CENPX: variants seen among roughly 807,000 people sequenced by gnomAD.
CENPX encodes centromere protein X.
CENPX carries 13 observed loss-of-function variants against 13.2 expected under a neutral mutation model. That is an observed-to-expected ratio of 0.98 (90% CI 0.64 to 1.56). The LOEUF (loss-of-function observed/expected upper bound fraction) is 1.56, where lower values mean the gene tolerates loss of function less well. CENPX is among the 40% of genes most tolerant of loss of function. The probability of loss-of-function intolerance (pLI) is 0.00; values close to 1 mark genes in which losing one functional copy is unlikely to be tolerated. For missense variants in CENPX, 138 were observed against 107.5 expected (o/e 1.28, Z -1.26); for synonymous variants, 66 against 47.2 (o/e 1.40, Z -1.63).
chr17:82,022,697 T>C (rs1325772636), intron 1 of CENPX, 129 bp downstream of exon 1: 3 of 1,112,806 alleles, frequency 2.7e-6, no homozygotes, highest in African/African-American at 3.2e-5. Flanking sequence ...GGAGATGGAG[T>C]CTGAGAACGG....
At chr17:82,019,541 G>C (rs1444650046) in intron 3 of CENPX, 100 bp downstream of exon 3, 1 of 1,544,316 alleles carries the variant, frequency 6.5e-7, no homozygotes, top group South Asian at 1.2e-5. Context: ...CCCAAGTTTA[G>C]GCCCTTGTGG....
intron 1 of CENPX, among the ~76,000 whole-genome samples, chr17:82,021,650 GACC>G (rs1447809458): frequency 2.6e-5 from 4 of 152,348 alleles, no homozygotes; most frequent in African/African-American, 9.6e-5. Context: ...TCTCTGCAAT[GACC>G]ACAACTCCAG....
chr17:82,020,666 G>C (rs1422529587), intron 1 of CENPX, among the ~76,000 whole-genome samples: 1 of 152,144 alleles, frequency 6.6e-6, no homozygotes, highest in South Asian at 2.1e-4. Flanking sequence ...TGCCCGGGGT[G>C]GGGGGAAGGG....
In CENPX at chr17:82,019,168, GC is replaced by G. The variant is rs758913786; in HGVS notation, c.*36del. On this transcript the variant is annotated 3_prime_UTR_variant, in exon 5 of 5. Transcript: ENST00000392359. ...CAAGGCCTGCTTCTGTGGACCAGGG[GC>G]TCCTCTGGGGGTGGCCTCAGCCACG... The G allele has an allele frequency of 6.6e-7, 1 of 1,523,826 alleles. No individual in the cohort carries two copies. The highest frequency in any genetic ancestry group is 2.3e-5 in the East Asian group (1 of 43,646). 94.4% of individuals were successfully genotyped at this position (1,523,826 alleles called of 1,614,324 possible).
intron 1 of CENPX, among the ~76,000 whole-genome samples, chr17:82,021,685 C>T (rs2043285304): frequency 6.6e-6 from 1 of 152,220 alleles, no homozygotes; most frequent in Non-Finnish European, 1.5e-5. Context: ...GCCCCTGGGC[C>T]TCTAGTTGTC....
chr17:82,022,045 G>A (rs1244226437), intron 1 of CENPX, among the ~76,000 whole-genome samples: 2 of 152,198 alleles, frequency 1.3e-5, no homozygotes, highest in South Asian at 2.1e-4. Flanking sequence ...GGCCCACGAG[G>A]CCCTGCTGAC....
In CENPX at chr17:82,019,862, G is replaced by A. The variant is rs750561296; in HGVS notation, c.84C>T (p.Thr28=). The change falls in exon 2 of 5, where the codon ACC becomes ACT. Residue 28 remains threonine (T), a synonymous_variant. Transcript: ENST00000392359. ...CGCCCGCACCCCCACCCGCACCTTT[G>A]GTCTTGTCATCCTTGAAGTGCAGGT... ...LLHLHFKDDK[T]KVSGDALQLM... The A allele has an allele frequency of 4.4e-6, 6 of 1,377,630 alleles. No homozygotes were observed. Among genetic ancestry groups the A allele is most frequent in the Non-Finnish European group, 6.1e-6 (6 of 983,026 alleles). 85.3% of individuals were successfully genotyped at this position (1,377,630 alleles called of 1,614,324 possible). A position where few individuals can be genotyped will look rare whatever the true frequency, so the allele number is the denominator to read the frequency against.
At position 82,019,165 on chromosome 17, in the gene CENPX, G is replaced by C. The variant is rs776711648; in HGVS notation, c.*40C>G. On this transcript the variant is annotated 3_prime_UTR_variant, in exon 5 of 5. Coordinates refer to ENST00000392359, the MANE Select transcript of CENPX (RefSeq NM_001271006.2). ...ACACAAGGCCTGCTTCTGTGGACCA[G>C]GGGCTCCTCTGGGGGTGGCCTCAGC... The C allele has an allele frequency of 1.8e-5, 27 of 1,522,140 alleles. No individual in the cohort carries two copies. Among genetic ancestry groups the C allele is most frequent in the Non-Finnish European group, 2.3e-5 (26 of 1,133,420 alleles). The allele number at this position is 1,522,140 out of a possible 1,614,324, so 94.3% of individuals were successfully genotyped here.
chr17:82,022,289 G>A (rs2043301536), intron 1 of CENPX, among the ~76,000 whole-genome samples: 1 of 152,246 alleles, frequency 6.6e-6, no homozygotes, highest in South Asian at 2.1e-4. Flanking sequence ...TTTCTCCACT[G>A]GCAGGTGGGG....
At chr17:82,020,030 C>A in intron 1 of CENPX, 121 bp from the exon 2 acceptor site, 1 of 978,440 alleles carries the variant, frequency 1.0e-6, no homozygotes, top group African/African-American at 1.7e-5. Flanking sequence ...GTGCCTGAGC[C>A]TCTCCCAGGG....
At chr17:82,022,719 A>G in intron 1 of CENPX, 107 bp downstream of exon 1, 2 of 1,363,876 alleles carry the variant, frequency 1.5e-6, no homozygotes, top group Non-Finnish European at 2.0e-6. Flanking sequence ...CCCAACCTCA[A>G]AGGCACAGGG....
chr17:82,019,012 C>T lies in CENPX; in HGVS notation c.*193G>A. 1.3e-6 allele frequency: 1 copy of T among 744,244 alleles called. No homozygotes were observed. The highest frequency in any genetic ancestry group is 2.0e-6 in the Non-Finnish European group (1 of 503,642). The allele number at this position is 744,244 out of a possible 1,614,324, so 46.1% of individuals were successfully genotyped here. A position where few individuals can be genotyped will look rare whatever the true frequency, so the allele number is the denominator to read the frequency against. On this transcript the variant is annotated 3_prime_UTR_variant, in exon 5 of 5. Coordinates refer to ENST00000392359, the MANE Select transcript of CENPX (RefSeq NM_001271006.2). ...TTCCCACACCAGTGTCCCCACTGGA[C>T]ACTCCAAGGCCCGCAGTGCACTGCA...
chr17:82,019,208 G>T lies in CENPX; in HGVS notation c.243C>A (p.Phe81Leu), dbSNP rs770901389. The T allele has an allele frequency of 6.3e-7, 1 of 1,580,572 alleles. No homozygotes were observed. The highest frequency in any genetic ancestry group is 8.6e-7 in the Non-Finnish European group (1 of 1,158,086). ...EKVLPQLLLD[F>L] ...GCCTCAGCCACGGCTGAGATCCCTA[G>T]AAGTCCAGGAGCTGTGGGGAAGAGA... Residue 81 changes from phenylalanine to leucine, a missense_variant, in exon 5 of 5, where the codon TTC becomes TTA. Physicochemically the swap from Phe to Leu is conservative, Grantham distance 22. Coordinates refer to ENST00000392359, the MANE Select transcript of CENPX (RefSeq NM_001271006.2).
chr17:82,022,598 C>A (rs2043308434), intron 1 of CENPX: 1 of 593,748 alleles, frequency 1.7e-6, no homozygotes, highest in South Asian at 2.0e-5. Context: ...CAGACCCTCT[C>A]CACCTTCCCG....
rs770578835 is a variant in CENPX, at chr17:82,019,849, C to G, written c.88+9G>C. On this transcript the variant is annotated intron_variant, in intron 2 of 4. Coordinates refer to ENST00000392359, the MANE Select transcript of CENPX (RefSeq NM_001271006.2). ...GGGACCCACCTCCCGCCCGCACCCCCACCCGCACCTTTGGTCTTGTCATCC... is the reference window on the plus strand; with the variant it reads ...GGGACCCACCTCCCGCCCGCACCCCGACCCGCACCTTTGGTCTTGTCATCC... 2.2e-5 allele frequency: 35 copies of G among 1,599,852 alleles called. No individual in the cohort carries two copies. The highest frequency in any genetic ancestry group is 2.8e-5 in the Non-Finnish European group (33 of 1,171,158).
At position 82,022,862 on chromosome 17, in the gene CENPX, G is replaced by T. The variant is rs1398894645; in HGVS notation, c.-1C>A. 6.3e-7 allele frequency: 1 copy of T among 1,592,334 alleles called. No individual in the cohort carries two copies. The stretch of plus-strand genomic sequence containing the variant: ...CGGATCCAGCTCCTGCTCCCTCCAT[G>T]ACCGCAGCCTCAACGCGCGCCCACC... On this transcript the variant is annotated 5_prime_UTR_variant, in exon 1 of 5. Coordinates refer to ENST00000392359, the MANE Select transcript of CENPX (RefSeq NM_001271006.2).
chr17:82,018,976 G>C lies in CENPX; in HGVS notation c.*229C>G. 1 of 497,238 alleles carries C rather than the reference G, an allele frequency of 2.0e-6. No homozygotes were observed. The highest frequency in any genetic ancestry group is 3.4e-5 in the East Asian group (1 of 29,758). 30.8% of individuals were successfully genotyped at this position (497,238 alleles called of 1,614,324 possible). On this transcript the variant is annotated 3_prime_UTR_variant, in exon 5 of 5. Coordinates refer to ENST00000392359, the MANE Select transcript of CENPX (RefSeq NM_001271006.2). ...AGGGAGGAGAGGCAGGGACTCCCCAGGTGCTGCCCCTTCCCACACCAGTGT... is the reference window on the plus strand; with the variant it reads ...AGGGAGGAGAGGCAGGGACTCCCCACGTGCTGCCCCTTCCCACACCAGTGT...
rs2043217289 is a variant in CENPX, at chr17:82,018,857, AGCT to A, written c.*345_*347del. On this transcript the variant is annotated 3_prime_UTR_variant, in exon 5 of 5. Transcript: ENST00000392359. ...AATGTGGGCAGGAGGCAGCGCTGCC[AGCT>A]GCTGTTTGTCAAACACACAGGCTAC... 2.8e-6 allele frequency: 1 copy of A among 353,016 alleles called. No homozygotes were observed. The highest frequency in any genetic ancestry group is 2.1e-5 in the African/African-American group (1 of 48,146). The allele number at this position is 353,016 out of a possible 1,614,324, so 21.9% of individuals were successfully genotyped here.
intron 1 of CENPX, among the ~76,000 whole-genome samples, chr17:82,021,808 G>A (rs1160330170): frequency 6.6e-6 from 1 of 152,224 alleles, no homozygotes; most frequent in Non-Finnish European, 1.5e-5. Context: ...CCAGTGAGGT[G>A]GCCCAAGCCT....
Sources: gnomAD v4.1 joint callset for allele counts (sites outside exome capture counted in the v4.1 genomes callset) on GRCh38, gnomAD v4.1.1 for gene constraint, MANE v1.5 for transcripts, NCBI Gene and HGNC (gene_info 2026-07-23, HGNC 2026-07-21) for gene names.